The following GPBP1 variants were observed in gnomAD, a reference collection of about 807,000 sequenced individuals.
GPBP1 encodes vasculin.
A neutral mutation model predicts 56.5 loss-of-function variants in GPBP1; 13 were observed. That is an observed-to-expected ratio of 0.23 (90% CI 0.15 to 0.37). The LOEUF (loss-of-function observed/expected upper bound fraction) is 0.37, where lower values mean the gene tolerates loss of function less well. Ranked by LOEUF, GPBP1 falls within the 10% of genes least tolerant of loss-of-function variation. The pLI is 1.00. For missense variants in GPBP1, 477 were observed against 572.3 expected (o/e 0.83, Z 1.70); for synonymous variants, 204 against 188.9 (o/e 1.08, Z -0.66).
At chr5:57,199,957 C>T (rs1040657569) in intron 2 of GPBP1, among the ~76,000 whole-genome samples, 1 of 145,974 alleles carries the variant, frequency 6.9e-6, no homozygotes, top group Non-Finnish European at 1.5e-5. Context: ...TTCAAGTGAT[C>T]TACCTGCCGC....
intron 2 of GPBP1, among the ~76,000 whole-genome samples, chr5:57,181,197 T>C (rs1171098344): frequency 6.6e-6 from 1 of 152,004 alleles, no homozygotes; most frequent in African/African-American, 2.4e-5. Flanking sequence ...TAGCTGAGCA[T>C]GGTGACATGC....
rs749624091 is a variant in GPBP1 at position 57,231,363 on chromosome 5, G to A, written c.411+42G>A. On this transcript the variant is annotated intron_variant, in intron 5 of 11. Transcript: ENST00000506184. ...TTTTATACAAATGAAGTTTCTGTAA[G>A]TGCTATTTTAAGTGATTCTCCTGCC... 4.6e-5 allele frequency: 70 copies of A among 1,512,302 alleles called. 1 individual carries two copies. The South Asian group carries it at 7.5e-4, about 16-fold the overall frequency. 93.7% of individuals were successfully genotyped at this position (1,512,302 alleles called of 1,614,324 possible).
intron 2 of GPBP1, among the ~76,000 whole-genome samples, chr5:57,196,818 G>T (rs192558603): frequency 5.3e-5 from 8 of 152,098 alleles, no homozygotes; most frequent in African/African-American, 1.9e-4. Flanking sequence ...GTCTTGCTGT[G>T]TTGCCCAGGC....
intron 6 of GPBP1, 139 bp downstream of exon 6, chr5:57,236,171 C>T (rs1561362475): frequency 1.7e-6 from 1 of 592,942 alleles, no homozygotes; most frequent in Non-Finnish European, 3.0e-6. Flanking sequence ...TGCTTAGCTA[C>T]AAAAAAGGTA....
At chr5:57,212,885 C>G (rs777323812) in intron 2 of GPBP1, among the ~76,000 whole-genome samples, 42 of 151,886 alleles carry the variant, frequency 2.8e-4, no homozygotes, top group Middle Eastern at 3.4e-3. Flanking sequence ...GCTGGCCAGG[C>G]TGGTCTTAAA....
chr5:57,224,889 ATGACCATTTGCT>A (rs1321449096), intron 3 of GPBP1, among the ~76,000 whole-genome samples: 1 of 151,424 alleles, frequency 6.6e-6, no homozygotes, highest in Non-Finnish European at 1.5e-5. Context: ...CATGAAGACA[ATGACCATTTGCT>A]TGAGTGAACT....
intron 2 of GPBP1, among the ~76,000 whole-genome samples, chr5:57,182,942 C>G (rs1754122856): frequency 6.6e-6 from 1 of 152,240 alleles, no homozygotes; most frequent in Non-Finnish European, 1.5e-5. Context: ...CTTGGCCTCC[C>G]AAACTGTTGG....
intron 2 of GPBP1, among the ~76,000 whole-genome samples, chr5:57,191,745 A>G (rs921255442): frequency 1.1e-4 from 16 of 152,024 alleles, no homozygotes; most frequent in Admixed American, 5.2e-4. Flanking sequence ...TATTTTTAGT[A>G]GAGACGAGGT....
At chr5:57,201,105 T>C (rs1444088995) in intron 2 of GPBP1, among the ~76,000 whole-genome samples, 1 of 152,230 alleles carries the variant, frequency 6.6e-6, no homozygotes, top group Non-Finnish European at 1.5e-5. Context: ...ATTACAGGCA[T>C]GAGCCACTGC....
chr5:57,177,339 A>G (rs989404653), intron 2 of GPBP1, among the ~76,000 whole-genome samples: 5 of 152,048 alleles, frequency 3.3e-5, no homozygotes, highest in African/African-American at 1.2e-4. Context: ...AATGTTTTTT[A>G]AAGAGATACA....
intron 2 of GPBP1, among the ~76,000 whole-genome samples, chr5:57,200,865 A>T (rs901404934): frequency 7.2e-5 from 11 of 152,012 alleles, no homozygotes; most frequent in African/African-American, 2.7e-4. Flanking sequence ...TTTTTAGTAG[A>T]GATGGGGTAT....
intron 2 of GPBP1, among the ~76,000 whole-genome samples, chr5:57,189,586 A>C (rs1240401403): frequency 6.6e-6 from 1 of 152,196 alleles, no homozygotes; most frequent in Non-Finnish European, 1.5e-5. Context: ...CTACTGTGGT[A>C]GCCTTTTAAC....
intron 10 of GPBP1, among the ~76,000 whole-genome samples, chr5:57,251,725 A>G (rs996164789): frequency 1.3e-5 from 2 of 152,246 alleles, no homozygotes; most frequent in African/African-American, 4.8e-5. Context: ...TTGCTGGGAC[A>G]TATGATAGTT....
At chr5:57,178,876 T>G (rs1438297814) in intron 2 of GPBP1, among the ~76,000 whole-genome samples, 1 of 152,070 alleles carries the variant, frequency 6.6e-6, no homozygotes, top group Non-Finnish European at 1.5e-5. Flanking sequence ...TTTTTGTCCC[T>G]TTCTAAACTG....
intron 5 of GPBP1, among the ~76,000 whole-genome samples, chr5:57,231,918 C>T (rs1023795300): frequency 3.3e-5 from 5 of 151,876 alleles, no homozygotes; most frequent in Admixed American, 6.6e-5. Flanking sequence ...TGATAAGCAG[C>T]GAGCTTTTGT....
chr5:57,263,866 A>G lies in GPBP1; in HGVS notation c.*1114A>G, dbSNP rs1013500045. 10 of 152,028 alleles carry G rather than the reference A, an allele frequency of 6.6e-5. No homozygotes were observed. The highest frequency in any genetic ancestry group is 1.3e-4 in the Admixed American group (2 of 15,246). The allele number at this position is 152,028 out of a possible 1,614,324, so 9.4% of individuals were successfully genotyped here. A position where few individuals can be genotyped will look rare whatever the true frequency, so the allele number is the denominator to read the frequency against. ...GAAATACTATTTTGGCTCTGTGTAT[A>G]TTTGTATTTTGATTTTTCTGGTTTG... On this transcript the variant is annotated 3_prime_UTR_variant, in exon 12 of 12. Transcript: ENST00000506184.
intron 3 of GPBP1, among the ~76,000 whole-genome samples, chr5:57,224,358 C>T (rs893185838): frequency 2.0e-5 from 3 of 151,328 alleles, no homozygotes; most frequent in Non-Finnish European, 4.4e-5. Context: ...TTCTCCTTTT[C>T]CATCCTTCCG....
chr5:57,250,524 T>C (rs1325518612), intron 9 of GPBP1, among the ~76,000 whole-genome samples: 1 of 151,706 alleles, frequency 6.6e-6, no homozygotes, highest in Non-Finnish European at 1.5e-5. Context: ...TTAACAATTA[T>C]AAGTATTACG....
chr5:57,180,280 A>G (rs921631672), intron 2 of GPBP1, among the ~76,000 whole-genome samples: 4 of 151,944 alleles, frequency 2.6e-5, no homozygotes, highest in African/African-American at 9.7e-5. Context: ...ATGCCCAGCT[A>G]ATTTTTTGTA....
Sources: gnomAD v4.1 joint callset for allele counts (sites outside exome capture counted in the v4.1 genomes callset) on GRCh38, gnomAD v4.1.1 for gene constraint, MANE v1.5 for transcripts, NCBI Gene and HGNC (gene_info 2026-07-23, HGNC 2026-07-21) for gene names.